BAZ1B: variants seen among roughly 807,000 people sequenced by gnomAD.
The protein encoded by BAZ1B is bromodomain adjacent to zinc finger domain 1B, also known as tyrosine-protein kinase BAZ1B.
In BAZ1B, 22 loss-of-function variants were observed where a neutral mutation model predicts 153.8. The ratio of observed to expected loss-of-function variants is 0.14; its 90% CI spans 0.10 to 0.20. The LOEUF (loss-of-function observed/expected upper bound fraction) is 0.20, where lower values mean the gene tolerates loss of function less well. Among genes scored for constraint, BAZ1B ranks in the 10% least tolerant of loss-of-function variants. BAZ1B has a pLI of 1.00. For synonymous variants in BAZ1B, 676 were observed against 633.4 expected (o/e 1.07, Z -1.01); for missense variants, 1,325 against 1,799.3 (o/e 0.74, Z 4.77).
At chr7:73,495,487 G>T (rs1391679488) in intron 4 of BAZ1B, among the ~76,000 whole-genome samples, 1 of 152,092 alleles carries the variant, frequency 6.6e-6, no homozygotes, top group Non-Finnish European at 1.5e-5. Context: ...AAAAGTCAAA[G>T]GAATGGCAGG....
intron 16 of BAZ1B, among the ~76,000 whole-genome samples, chr7:73,446,108 G>A (rs1177344853): frequency 6.6e-6 from 1 of 152,176 alleles, no homozygotes; most frequent in Non-Finnish European, 1.5e-5. Flanking sequence ...AGACGGGCAA[G>A]CCCAAATCAT....
intron 1 of BAZ1B, among the ~76,000 whole-genome samples, chr7:73,512,485 T>A (rs1790628636): frequency 6.6e-6 from 1 of 152,178 alleles, no homozygotes; most frequent in Non-Finnish European, 1.5e-5. Context: ...CTCTATGATG[T>A]CTCCAATAAT....
intron 17 of BAZ1B, 104 bp downstream of exon 17, chr7:73,443,880 A>AGGGG: frequency 6.5e-7 from 1 of 1,546,710 alleles, no homozygotes; most frequent in Non-Finnish European, 8.8e-7. Flanking sequence ...AAGAAGGAGG[A>AGGGG]GGGGGGAGGC....
intron 1 of BAZ1B, among the ~76,000 whole-genome samples, chr7:73,515,531 CT>C (rs869065388): frequency 0.05 from 5,537 of 111,378 alleles, 64 homozygotes; most frequent in Non-Finnish European, 0.063. Context: ...AGCCTTGTTC[CT>C]TTTTTTTTTT....
intron 5 of BAZ1B, among the ~76,000 whole-genome samples, chr7:73,490,433 T>C (rs1789590125): frequency 6.6e-6 from 1 of 152,156 alleles, no homozygotes; most frequent in Non-Finnish European, 1.5e-5. Flanking sequence ...AGGAGCTACC[T>C]ACCATTCACT....
intron 13 of BAZ1B, among the ~76,000 whole-genome samples, chr7:73,452,851 C>A (rs1348073598): frequency 6.6e-6 from 1 of 152,088 alleles, no homozygotes; most frequent in Non-Finnish European, 1.5e-5. Context: ...TGGGACATAG[C>A]CCCATCCTAA....
At chr7:73,462,352 T>A (rs1554570518) in intron 12 of BAZ1B, 1 of 154,408 alleles carries the variant, frequency 6.5e-6, no homozygotes, top group Non-Finnish European at 1.4e-5. Flanking sequence ...TAAAAAACGG[T>A]TTATAATAGT....
At chr7:73,452,245 C>T (rs1434123437) in intron 13 of BAZ1B, among the ~76,000 whole-genome samples, 1 of 152,142 alleles carries the variant, frequency 6.6e-6, no homozygotes, top group African/African-American at 2.4e-5. Flanking sequence ...TAGGTTCATT[C>T]GCAAAGCATG....
chr7:73,487,533 A>G (rs1454083798), intron 6 of BAZ1B, among the ~76,000 whole-genome samples: 1 of 152,222 alleles, frequency 6.6e-6, no homozygotes, highest in Non-Finnish European at 1.5e-5. Flanking sequence ...TTGAATCACT[A>G]AACTAAAATA....
intron 6 of BAZ1B, among the ~76,000 whole-genome samples, chr7:73,488,726 A>C (rs559980677): frequency 2.0e-4 from 30 of 151,896 alleles, no homozygotes; most frequent in East Asian, 7.7e-4. Flanking sequence ...AAAAAAAAAA[A>C]AAAACAAAAA....
At chr7:73,500,890 T>TA (rs1207744313) in intron 3 of BAZ1B, among the ~76,000 whole-genome samples, 1,643 of 105,002 alleles carry the variant, frequency 0.016, 7 homozygotes, top group Non-Finnish European at 0.018. Context: ...ACTCTGTTTA[T>TA]AAAAAAAAAA....
At chr7:73,503,025 C>T (rs559166104) in intron 3 of BAZ1B, among the ~76,000 whole-genome samples, 1 of 152,276 alleles carries the variant, frequency 6.6e-6, no homozygotes, top group African/African-American at 2.4e-5. Flanking sequence ...TGATGGCTAC[C>T]TGGGTTATCT....
intron 4 of BAZ1B, among the ~76,000 whole-genome samples, chr7:73,495,575 A>G (rs1409960084): frequency 1.3e-5 from 2 of 152,232 alleles, no homozygotes; most frequent in African/African-American, 4.8e-5. Context: ...TGAGTGACCA[A>G]CAGTATTAAA....
In BAZ1B at chr7:73,498,551, G is replaced by A. The variant is rs1554576668; in HGVS notation, c.517C>T (p.His173Tyr). Reference protein sequence around the residue: ...KENSSQIAQDHQKKETVVKED... With the variant: ...KENSSQIAQDYQKKETVVKED... ...TTCACAACTGTCTCCTTCTTCTGAT[G>A]GTCCTGAGCAATCTGACTGGAGTTC... Residue 173 changes from histidine (H) to tyrosine (Y), a missense_variant, in exon 4 of 20, where the codon CAT becomes TAT. This residue lies in a region of BAZ1B where 153 missense variants were observed against 204.8 expected (regional missense o/e 0.75). Coordinates refer to ENST00000339594, the MANE Select transcript of BAZ1B (RefSeq NM_032408.4). 6.2e-7 allele frequency: 1 copy of A among 1,613,908 alleles called. No homozygotes were observed.
intron 1 of BAZ1B, among the ~76,000 whole-genome samples, chr7:73,516,980 G>A (rs993221614): frequency 6.6e-6 from 1 of 150,484 alleles, no homozygotes; most frequent in Non-Finnish European, 1.5e-5. Flanking sequence ...TCAGGAGTTC[G>A]AGACCAGCCT....
chr7:73,490,324 A>T (rs1789584918), intron 5 of BAZ1B, among the ~76,000 whole-genome samples: 1 of 152,220 alleles, frequency 6.6e-6, no homozygotes, highest in African/African-American at 2.4e-5. Context: ...ATTAAGTTAT[A>T]AAATAATATA....
chr7:73,497,374 G>A (rs936319346), intron 4 of BAZ1B, among the ~76,000 whole-genome samples: 6 of 152,124 alleles, frequency 3.9e-5, no homozygotes, highest in Non-Finnish European at 8.8e-5. Context: ...AGTATAGTAC[G>A]TACTACAGTT....
At chr7:73,520,210 CAAAAAA>C (rs1158487602) in intron 1 of BAZ1B, among the ~76,000 whole-genome samples, 2 of 57,386 alleles carry the variant, frequency 3.5e-5, no homozygotes, top group Non-Finnish European at 7.3e-5. Flanking sequence ...AACTCCGTCT[CAAAAAA>C]AAAAAAAAAA....
At chr7:73,448,984 C>T (rs1787935143) in intron 15 of BAZ1B, among the ~76,000 whole-genome samples, 1 of 151,850 alleles carries the variant, frequency 6.6e-6, no homozygotes. Context: ...CCAAAGGAGC[C>T]CAGGTGACAG....
Sources: allele counts gnomAD v4.1 joint callset (sites outside exome capture counted in the v4.1 genomes callset), GRCh38; gene constraint gnomAD v4.1.1; regional missense constraint gnomAD v4.1.1; transcripts MANE v1.5; gene names NCBI Gene and HGNC (gene_info 2026-07-23, HGNC 2026-07-21).